WDFY4: variants seen among roughly 807,000 people sequenced by gnomAD.
The protein encoded by WDFY4 is WD repeat- and FYVE domain-containing protein 4.
Under a neutral mutation model 351.9 loss-of-function variants are expected in WDFY4, and 169 were observed. That is an observed-to-expected ratio of 0.48 (90% CI 0.42 to 0.55). The LOEUF is 0.55. Ranked by LOEUF, WDFY4 falls within the 20% of genes least tolerant of loss-of-function variation. WDFY4 has a pLI of 0.00. For synonymous variants in WDFY4, 1,622 were observed against 1,574.6 expected, an observed-to-expected ratio of 1.03 and a Z score of -0.71; for missense variants, 3,803 against 3,935.6, an observed-to-expected ratio of 0.97 and a Z score of 0.90.
rs1443680135 is a variant in WDFY4 at position 48,742,991 on chromosome 10, C to A, written c.1902C>A (p.Thr634=). 1.9e-6 allele frequency: 3 copies of A among 1,549,598 alleles called. No homozygotes were observed. Among genetic ancestry groups the A allele is most frequent in the East Asian group, 2.4e-5 (1 of 40,874 alleles). ...AGTCTCTGCTCCGGATCCTGGTGAC[C>A]CCCAAGGGTCGTGCTGCCTTCAGAG... is the stretch of plus-strand genomic sequence containing the variant. ...LLKSLLRILV[T]PKGRAAFRVS... Residue 634 remains threonine, a synonymous_variant, in exon 12 of 62, where the codon ACC becomes ACA. Transcript: ENST00000325239.
At chr10:48,763,650 T>C (rs562000346) in intron 13 of WDFY4, among the ~76,000 whole-genome samples, 7 of 152,350 alleles carry the variant, frequency 4.6e-5, no homozygotes, top group Admixed American at 6.5e-5. Flanking sequence ...GCTTATCCTA[T>C]GACAGTAATT....
chr10:48,870,956 T>C (rs2928404), intron 40 of WDFY4, among the ~76,000 whole-genome samples: 84,751 of 151,186 alleles, frequency 0.56, 25,037 homozygotes, highest in African/African-American at 0.75. Context: ...TTTTTTTTGA[T>C]GGAGGCTCGC....
chr10:48,808,919 G>A (rs904368975), intron 28 of WDFY4, among the ~76,000 whole-genome samples: 3 of 152,146 alleles, frequency 2.0e-5, no homozygotes, highest in Non-Finnish European at 2.9e-5. Context: ...ATCTGCATGA[G>A]AATAAAAATT....
intron 1 of WDFY4, among the ~76,000 whole-genome samples, chr10:48,708,750 G>A (rs2063697269): frequency 6.6e-6 from 1 of 152,136 alleles, no homozygotes; most frequent in South Asian, 2.1e-4. Flanking sequence ...CTGCTCCTGT[G>A]TGCACTTAGA....
intron 3 of WDFY4, 24 bp from the exon 4 acceptor site, chr10:48,721,237 C>T: frequency 6.4e-7 from 1 of 1,550,392 alleles, no homozygotes; most frequent in Non-Finnish European, 8.7e-7. Flanking sequence ...CGCTGTATGC[C>T]CTGCTGGTGA....
chr10:48,805,264 G>A lies in WDFY4; in HGVS notation c.4489G>A (p.Gly1497Arg). Residue 1497 changes from glycine to arginine, a missense_variant, in exon 26 of 62, where the codon GGA becomes AGA. Gly to Arg is a moderately radical substitution (Grantham distance 125). Transcript: ENST00000325239. Reference protein sequence around the residue: ...LLEILQSPREGPRNAEAAHQA... With the variant: ...LLEILQSPRERPRNAEAAHQA... ...TCTCTCTCCTGTACTCACCAGGGAA[G>A]GACCCAGGAATGCTGAAGCTGCCCA... The A allele has an allele frequency of 6.5e-7, 1 of 1,543,198 alleles. No homozygotes were observed. The highest frequency in any genetic ancestry group is 8.7e-7 in the Non-Finnish European group (1 of 1,146,910).
chr10:48,790,900 C>A lies in WDFY4; in HGVS notation c.4240C>A (p.His1414Asn). 6.4e-7 allele frequency: 1 copy of A among 1,551,754 alleles called. No homozygotes were observed. The highest frequency in any genetic ancestry group is 2.0e-5 in the Admixed American group (1 of 51,008). ...TGCCATGTGTGACTTCCTGATGCAA[C>A]ACATCTGTGGGTACCAGGTAATCCC... ...SNAMCDFLMQ[H>N]ICGYQIMAFL... The change falls in exon 23 of 62, where the codon CAC becomes AAC. Residue 1414 changes from histidine (H) to asparagine (N), a missense_variant. By Grantham distance (68) the His-to-Asn change is moderately conservative. Around this residue, in one of 3 missense-constraint regions of WDFY4, gnomAD observed 3,054 missense variants for 3,148.6 expected, o/e 0.97. Coordinates refer to ENST00000325239, the MANE Select transcript of WDFY4 (RefSeq NM_001394531.1).
intron 20 of WDFY4, among the ~76,000 whole-genome samples, chr10:48,787,856 T>TCTTCTTCTTCTC (rs2066470621): frequency 7.7e-6 from 1 of 129,096 alleles, no homozygotes; most frequent in African/African-American, 3.4e-5. Flanking sequence ...TTCTTCTTCT[T>TCTTCTTCTTCTC]CTTTCTTCTT....
intron 35 of WDFY4, chr10:48,823,094 AGG>A: frequency 7.9e-7 from 1 of 1,262,484 alleles, no homozygotes; most frequent in Non-Finnish European, 1.0e-6. Context: ...CATTGAATGT[AGG>A]TGTATGTATG....
At chr10:48,738,118 G>A (rs1362658645) in intron 11 of WDFY4, among the ~76,000 whole-genome samples, 1 of 152,216 alleles carries the variant, frequency 6.6e-6, no homozygotes, top group East Asian at 1.9e-4. Flanking sequence ...TCTATTGGGT[G>A]AATAATTGTT....
chr10:48,710,046 G>T, intron 2 of WDFY4, 80 bp downstream of exon 2: 1 of 1,307,064 alleles, frequency 7.7e-7, no homozygotes, highest in Non-Finnish European at 1.0e-6. Context: ...TGAAGTTGAT[G>T]GTTTTAATGT....
chr10:48,703,320 A>ATG (rs2063532031), intron 1 of WDFY4, among the ~76,000 whole-genome samples: 1 of 152,214 alleles, frequency 6.6e-6, no homozygotes, highest in African/African-American at 2.4e-5. Context: ...ACGGCCATGC[A>ATG]TGCGAAGCCA....
intron 13 of WDFY4, among the ~76,000 whole-genome samples, chr10:48,764,213 A>G (rs112977137): frequency 4.6e-5 from 7 of 152,172 alleles, no homozygotes; most frequent in African/African-American, 1.7e-4. Flanking sequence ...GTTCTCTTCT[A>G]GTTTATTTCC....
chr10:48,934,298 T>A (rs1253722083), intron 47 of WDFY4, among the ~76,000 whole-genome samples: 1 of 152,122 alleles, frequency 6.6e-6, no homozygotes, highest in African/African-American at 2.4e-5. Flanking sequence ...TAAAATGAGG[T>A]TCCTCCCTCT....
intron 47 of WDFY4, among the ~76,000 whole-genome samples, chr10:48,915,085 A>T (rs919626436): frequency 3.3e-5 from 5 of 152,142 alleles, no homozygotes; most frequent in African/African-American, 1.2e-4. Flanking sequence ...CTCTACTCAC[A>T]ATCTTCTTAA....
At chr10:48,868,421 A>C (rs2069632351) in intron 40 of WDFY4, among the ~76,000 whole-genome samples, 1 of 152,148 alleles carries the variant, frequency 6.6e-6, no homozygotes. Context: ...CTGGTCTTTC[A>C]CAGACCCTTT....
intron 47 of WDFY4, among the ~76,000 whole-genome samples, chr10:48,920,683 T>C (rs945178950): frequency 2.0e-5 from 3 of 152,066 alleles, no homozygotes; most frequent in African/African-American, 7.2e-5. Context: ...ATGCAAAAAA[T>C]AAAGGCATAC....
intron 19 of WDFY4, among the ~76,000 whole-genome samples, chr10:48,781,098 G>A (rs2066206450): frequency 1.3e-5 from 2 of 152,196 alleles, no homozygotes; most frequent in African/African-American, 2.4e-5. Flanking sequence ...AGTTGTTCCA[G>A]GTTAAGAGTC....
chr10:48,845,274 T>C (rs2068737702), intron 39 of WDFY4, among the ~76,000 whole-genome samples: 1 of 152,202 alleles, frequency 6.6e-6, no homozygotes, highest in Non-Finnish European at 1.5e-5. Flanking sequence ...GCTCTAGCTC[T>C]CCTTCTCCTC....
Sources: gnomAD v4.1 joint callset for allele counts (sites outside exome capture counted in the v4.1 genomes callset) on GRCh38, gnomAD v4.1.1 for gene constraint, gnomAD v4.1.1 regional missense constraint, MANE v1.5 for transcripts, NCBI Gene and HGNC (gene_info 2026-07-23, HGNC 2026-07-21) for gene names.